Variants in COX5B observed in about 807,000 individuals in gnomAD.
COX5B encodes cytochrome c oxidase subunit 5B, mitochondrial.
A neutral mutation model predicts 16.2 loss-of-function variants in COX5B; 8 were observed. The observed-to-expected ratio is 0.49, with a 90% CI of 0.29 to 0.89. The LOEUF (loss-of-function observed/expected upper bound fraction) is 0.89. COX5B is among the 40% of genes least tolerant of loss of function. The probability of loss-of-function intolerance (pLI) is 0.08; values close to 1 mark genes in which losing one functional copy is unlikely to be tolerated. For synonymous variants in COX5B, 65 were observed against 67.6 expected, an observed-to-expected ratio of 0.96 and a Z score of 0.19; for missense variants, 161 against 168.7, an observed-to-expected ratio of 0.95 and a Z score of 0.25.
At chr2:97,647,254 C>A in intron 2 of COX5B, 90 bp from the exon 3 acceptor site, 1 of 1,508,802 alleles carries the variant, frequency 6.6e-7, no homozygotes, top group Non-Finnish European at 9.2e-7. Flanking sequence ...TAGGAACAGT[C>A]CCCTGAGCTT....
chr2:97,646,159 G>A lies in COX5B; in HGVS notation c.73G>A (p.Ala25Thr). ...CCTGAGGGCTCGCGGCCCCAGTGGC[G>A]CGGCCGCGATGCGCTCCATGGCATC... ...QALRARGPSGAAAMRSMASGG... is the reference protein window; with the variant it reads ...QALRARGPSGTAAMRSMASGG... Residue 25 changes from alanine (A) to threonine (T), a missense_variant, in exon 1 of 4, where the codon GCG (alanine) becomes ACG (threonine). By Grantham distance (58) the Ala-to-Thr change is moderately conservative. Coordinates refer to ENST00000258424, the MANE Select transcript of COX5B (RefSeq NM_001862.3). The A allele has an allele frequency of 6.4e-7, 1 of 1,552,166 alleles. No homozygotes were observed. The highest frequency in any genetic ancestry group is 8.7e-7 in the Non-Finnish European group (1 of 1,147,490).
chr2:97,646,443 C>T (rs1674655308), intron 1 of COX5B: 1 of 474,904 alleles, frequency 2.1e-6, no homozygotes, highest in Non-Finnish European at 3.7e-6. Flanking sequence ...GGGCTGCCAC[C>T]GGGATGGGGA....
intron 1 of COX5B, chr2:97,646,472 A>C: frequency 2.3e-6 from 1 of 426,462 alleles, no homozygotes; most frequent in Non-Finnish European, 4.2e-6. Flanking sequence ...GCCTCCCTTC[A>C]AACCTGCGCC....
chr2:97,646,153 A>G lies in COX5B; in HGVS notation c.67A>G (p.Ser23Gly). The stretch of plus-strand genomic sequence containing the variant: ...GCAGGCCCTGAGGGCTCGCGGCCCC[A>G]GTGGCGCGGCCGCGATGCGCTCCAT... ...AAQALRARGP[S>G]GAAAMRSMAS... is the part of the protein sequence containing the mutation. The change falls in exon 1 of 4, where the codon AGT becomes GGT. Residue 23 changes from serine to glycine, a missense_variant. By Grantham distance (56) the Ser-to-Gly change is moderately conservative (BLOSUM62 0). Coordinates refer to ENST00000258424, the MANE Select transcript of COX5B (RefSeq NM_001862.3). The G allele has an allele frequency of 1.9e-6, 3 of 1,553,576 alleles. No individual in the cohort carries two copies. The highest frequency in any genetic ancestry group is 2.6e-6 in the Non-Finnish European group (3 of 1,148,298).
Position 97,648,172 on chromosome 2 carries a change from T to A in COX5B, c.*64T>A. ...TCTTCTTTCCAGTAAAGACTAGCCA[T>A]TGCATTGGCTCCTTCTCCCATAGAT... On this transcript the variant is annotated 3_prime_UTR_variant, in exon 4 of 4. Coordinates refer to ENST00000258424, the MANE Select transcript of COX5B (RefSeq NM_001862.3). 12 of 1,294,828 alleles carry A rather than the reference T, an allele frequency of 9.3e-6. No homozygotes were observed. The highest frequency in any genetic ancestry group is 1.4e-5 in the South Asian group (1 of 70,336). The allele number at this position is 1,294,828 out of a possible 1,614,324, so 80.2% of individuals were successfully genotyped here. A position where few individuals can be genotyped will look rare whatever the true frequency, so the allele number is the denominator to read the frequency against.
intron 1 of COX5B, 93 bp from the exon 2 acceptor site, chr2:97,646,974 G>C: frequency 7.4e-7 from 1 of 1,342,600 alleles, no homozygotes; most frequent in East Asian, 2.4e-5. Flanking sequence ...TTATACAGAA[G>C]TTTCGGGGCA....
Position 97,647,439 on chromosome 2 carries a change from C to T in COX5B, c.273C>T (p.Cys91=), listed in dbSNP as rs756376661. Residue 91 remains cysteine, a synonymous_variant, in exon 3 of 4, where the codon TGC becomes TGT. Transcript: ENST00000258424. The part of the protein sequence containing the change: ...PSISNKRIVG[C]ICEEDNTSVV... ...TCTCCAACAAGAGAATAGTAGGCTG[C>T]ATCTGTAAGTACCTCACCTCTATTT... 2.5e-6 allele frequency: 4 copies of T among 1,611,900 alleles called. No individual in the cohort carries two copies. In the South Asian group the frequency reaches 4.4e-5, roughly 18 times the overall value.
Position 97,648,011 on chromosome 2 carries a change from C to A in COX5B, c.293C>A (p.Thr98Asn). 6.2e-7 allele frequency: 1 copy of A among 1,613,920 alleles called. No homozygotes were observed. Among genetic ancestry groups the A allele is most frequent in the South Asian group, 1.1e-5 (1 of 91,008 alleles). Residue 98 changes from threonine (T) to asparagine (N), a missense_variant, in exon 4 of 4, where the codon ACC (threonine) becomes AAC (asparagine). Physicochemically the swap from Thr to Asn is moderately conservative, Grantham distance 65 (BLOSUM62 0). Coordinates refer to ENST00000258424, the MANE Select transcript of COX5B (RefSeq NM_001862.3). ...IVGCICEEDN[T>N]SVVWFWLHKG... The stretch of plus-strand genomic sequence containing the variant: ...TCCCTTTTAGGTGAAGAGGACAATA[C>A]CAGCGTCGTCTGGTTTTGGCTGCAC...
rs75630766 is a variant in COX5B, at chr2:97,647,420, A to G, written c.254A>G (p.Asn85Ser). The stretch of plus-strand genomic sequence containing the variant: ...CCTAATTTAGTCCCCTCCATCTCCA[A>G]CAAGAGAATAGTAGGCTGCATCTGT... ...EDPNLVPSISNKRIVGCICEE... is the reference protein window; with the variant it reads ...EDPNLVPSISSKRIVGCICEE... Residue 85 changes from asparagine to serine, a missense_variant, in exon 3 of 4, where the codon AAC becomes AGC. By Grantham distance (46) the Asn-to-Ser change is conservative (BLOSUM62 1). Transcript: ENST00000258424. 1.5e-3 allele frequency: 2,478 copies of G among 1,614,050 alleles called. 29 individuals are homozygous for G. In the African/African-American group the frequency reaches 0.024, roughly 15 times the overall value.
intron 2 of COX5B, 77 bp downstream of exon 2, chr2:97,647,217 A>G: frequency 3.9e-6 from 6 of 1,546,074 alleles, no homozygotes; most frequent in Non-Finnish European, 5.4e-6. Context: ...CCTCTCTGGG[A>G]GTATTTGATA....
chr2:97,646,477 T>C (rs1674655748), intron 1 of COX5B: 1 of 409,742 alleles, frequency 2.4e-6, no homozygotes, highest in Non-Finnish European at 4.4e-6. Context: ...CCTTCAAACC[T>C]GCGCCCACCT....
At chr2:97,646,653 G>A (rs1424003711) in intron 1 of COX5B, 3 of 214,200 alleles carry the variant, frequency 1.4e-5, no homozygotes, top group Non-Finnish European at 2.9e-5. Flanking sequence ...CTCAAGACCA[G>A]CCTGGCCAAC....
chr2:97,647,389 G>A lies in COX5B; in HGVS notation c.223G>A (p.Glu75Lys). Residue 75 changes from glutamate (E) to lysine (K), a missense_variant, in exon 3 of 4, where the codon GAA (glutamate) becomes AAA (lysine). Coordinates refer to ENST00000258424, the MANE Select transcript of COX5B (RefSeq NM_001862.3). ...CCCAAAGGGAGCTTCAGGCACCAGG[G>A]AAGACCCTAATTTAGTCCCCTCCAT... ...LAPKGASGTR[E>K]DPNLVPSISN... The A allele has an allele frequency of 6.2e-7, 1 of 1,614,148 alleles. No homozygotes were observed. The highest frequency in any genetic ancestry group is 1.3e-5 in the African/African-American group (1 of 75,032).
chr2:97,646,993 C>G, intron 1 of COX5B, 74 bp from the exon 2 acceptor site: 1 of 1,515,694 alleles, frequency 6.6e-7, no homozygotes, highest in Non-Finnish European at 9.1e-7. Flanking sequence ...CACCATTTTC[C>G]TTGATCATTT....
intron 3 of COX5B, among the ~76,000 whole-genome samples, 179 bp from the exon 4 acceptor site, chr2:97,647,817 A>T (rs1244537467): frequency 6.6e-6 from 1 of 152,218 alleles, no homozygotes; most frequent in Non-Finnish European, 1.5e-5. Flanking sequence ...GTTTACTCAT[A>T]GGTGAACTCA....
In COX5B at chr2:97,646,131, G is replaced by A; in HGVS notation, c.45G>A (p.Gln15=). ...LLRGAGTLAA[Q]ALRARGPSGA... Reference sequence around the variant, plus strand: ...GCGGAGCTGGAACGCTGGCCGCGCAGGCCCTGAGGGCTCGCGGCCCCAGTG... The same window carrying A: ...GCGGAGCTGGAACGCTGGCCGCGCAAGCCCTGAGGGCTCGCGGCCCCAGTG... Residue 15 remains glutamine (Q), a synonymous_variant, in exon 1 of 4, where the codon CAG becomes CAA. Transcript: ENST00000258424. 1 of 1,557,466 alleles carries A rather than the reference G, an allele frequency of 6.4e-7. No homozygotes were observed. The highest frequency in any genetic ancestry group is 1.4e-5 in the African/African-American group (1 of 73,502).
At chr2:97,646,999 C>A in intron 1 of COX5B, 68 bp from the exon 2 acceptor site, 1 of 1,531,584 alleles carries the variant, frequency 6.5e-7, no homozygotes, top group South Asian at 1.1e-5. Flanking sequence ...TTTCCTTGAT[C>A]ATTTCTGTTT....
chr2:97,648,293 C>T lies in COX5B; in HGVS notation c.*185C>T, dbSNP rs576687741. 1.7e-6 allele frequency: 1 copy of T among 588,876 alleles called. No homozygotes were observed. The highest frequency in any genetic ancestry group is 3.0e-6 in the Non-Finnish European group (1 of 335,312). 36.5% of individuals were successfully genotyped at this position (588,876 alleles called of 1,614,324 possible). A position where few individuals can be genotyped will look rare whatever the true frequency, so the allele number is the denominator to read the frequency against. Reference sequence around the variant, plus strand: ...TTAATGCTAGCTTGCCATCCACTTACTGAAAGTGTATAACCAGTGTATAGT... The same window carrying T: ...TTAATGCTAGCTTGCCATCCACTTATTGAAAGTGTATAACCAGTGTATAGT... On this transcript the variant is annotated 3_prime_UTR_variant, in exon 4 of 4. Transcript: ENST00000258424.
chr2:97,646,267 CT>C, intron 1 of COX5B, 78 bp downstream of exon 1: 2 of 950,294 alleles, frequency 2.1e-6, no homozygotes, highest in Non-Finnish European at 3.1e-6. Context: ...AGCGGCGCGG[CT>C]CGTGCAGCTT....
Sources: gnomAD v4.1 joint callset for allele counts (sites outside exome capture counted in the v4.1 genomes callset) on GRCh38, gnomAD v4.1.1 for gene constraint, MANE v1.5 for transcripts, NCBI Gene and HGNC (gene_info 2026-07-23, HGNC 2026-07-21) for gene names.